Variants in JDP2 observed in about 807,000 individuals in gnomAD.
JDP2 encodes the protein progesterone receptor co-activator.
JDP2 carries 9 observed loss-of-function variants against 17.1 expected under a neutral mutation model. The ratio of observed to expected loss-of-function variants is 0.53; its 90% CI spans 0.32 to 0.92. JDP2 has a LOEUF of 0.92. Ranked by LOEUF, JDP2 falls within the 40% of genes least tolerant of loss-of-function variation. The probability of loss-of-function intolerance (pLI) is 0.04; values close to 1 mark genes in which losing one functional copy is unlikely to be tolerated. For missense variants in JDP2, 179 were observed against 220.0 expected, an observed-to-expected ratio of 0.81 and a Z score of 1.18; for synonymous variants, 107 against 95.6, an observed-to-expected ratio of 1.12 and a Z score of -0.69.
In JDP2 at chr14:75,470,219, ACAAG is replaced by A. The variant is rs1343258267; in HGVS notation, c.*748_*751del. The A allele has an allele frequency of 1.3e-5, 2 of 148,440 alleles. No homozygotes were observed. Among genetic ancestry groups the A allele is most frequent in the African/African-American group, 5.0e-5 (2 of 40,090 alleles). 9.2% of individuals were successfully genotyped at this position (148,440 alleles called of 1,614,324 possible). ...TTTTTTACAAAAAAAAAGATTTTAT[ACAAG>A]CAATATATATATGGATTTCTATAAT... On this transcript the variant is annotated 3_prime_UTR_variant, in exon 4 of 4. Coordinates refer to ENST00000651602, the MANE Select transcript of JDP2 (RefSeq NM_001135048.2).
At chr14:75,436,160 A>G (rs1170963189) in intron 1 of JDP2, among the ~76,000 whole-genome samples, 1 of 152,230 alleles carries the variant, frequency 6.6e-6, no homozygotes, top group Non-Finnish European at 1.5e-5. Flanking sequence ...ATGTAGATGG[A>G]GAATATGGCT....
At position 75,472,798 on chromosome 14, in the gene JDP2, G is replaced by A. The variant is rs773342141; in HGVS notation, c.*3323G>A. ...TCTGTAAAGATGGGCTGCCAAGTTT[G>A]TGTTCTGACCCTGTACGTGGTCCCT... On this transcript the variant is annotated 3_prime_UTR_variant, in exon 4 of 4. Transcript: ENST00000651602. 2 of 152,282 alleles carry A rather than the reference G, an allele frequency of 1.3e-5. No individual in the cohort carries two copies. The highest frequency in any genetic ancestry group is 2.9e-5 in the Non-Finnish European group (2 of 68,056). The allele number at this position is 152,282 out of a possible 1,614,324, so 9.4% of individuals were successfully genotyped here.
chr14:75,452,225 C>T lies in JDP2; in HGVS notation c.202-9201C>T, dbSNP rs373963034. On this transcript the variant is annotated intron_variant, in intron 2 of 3. Coordinates refer to ENST00000651602, the MANE Select transcript of JDP2 (RefSeq NM_001135048.2). ...TTGCGGAGATTTTAGTCCAGCCCACCGTGTGGAAGGTAGCCTGATGGAATG... is the reference window on the plus strand; with the variant it reads ...TTGCGGAGATTTTAGTCCAGCCCACTGTGTGGAAGGTAGCCTGATGGAATG... Among the ~76,000 whole-genome samples, 14 of 152,316 alleles carry T rather than the reference C, an allele frequency of 9.2e-5. No individual in the cohort carries two copies. In the East Asian group the frequency reaches 2.1e-3, roughly 23 times the overall value.
intron 2 of JDP2, among the ~76,000 whole-genome samples, chr14:75,459,441 G>C (rs1236704784): frequency 6.6e-6 from 1 of 152,224 alleles, no homozygotes; most frequent in East Asian, 1.9e-4. Context: ...ACTCCCAGGT[G>C]GGGTGGGAGT....
At chr14:75,432,101 T>C (rs1884828669) in intron 1 of JDP2, 2 of 574,456 alleles carry the variant, frequency 3.5e-6, no homozygotes, top group Non-Finnish European at 6.2e-6. Context: ...TAACCCCCCC[T>C]TCCTCTTGGC....
In JDP2 at chr14:75,469,659, C is replaced by T. The variant is rs930517182; in HGVS notation, c.*184C>T. ...CAGATCAGCCACCCAGGAGGAAGAGCGGGCTGAGGAAACCCAGAGGGACCA... is the reference window on the plus strand; with the variant it reads ...CAGATCAGCCACCCAGGAGGAAGAGTGGGCTGAGGAAACCCAGAGGGACCA... On this transcript the variant is annotated 3_prime_UTR_variant, in exon 4 of 4. Transcript: ENST00000651602. 9 of 599,282 alleles carry T rather than the reference C, an allele frequency of 1.5e-5. No homozygotes were observed. Among genetic ancestry groups the T allele is most frequent in the African/African-American group, 9.3e-5 (5 of 53,542 alleles). The allele number at this position is 599,282 out of a possible 1,614,324, so 37.1% of individuals were successfully genotyped here.
At chr14:75,452,083 T>A (rs919917911) in intron 2 of JDP2, among the ~76,000 whole-genome samples, 1 of 152,192 alleles carries the variant, frequency 6.6e-6, no homozygotes, top group Non-Finnish European at 1.5e-5. Context: ...TGTGCCCAGC[T>A]AAGAAACTTC....
At chr14:75,455,167 A>T (rs1006564465) in intron 2 of JDP2, among the ~76,000 whole-genome samples, 2 of 152,090 alleles carry the variant, frequency 1.3e-5, no homozygotes, top group Non-Finnish European at 2.9e-5. Flanking sequence ...CTGCATACAG[A>T]TCCTGATTCA....
At chr14:75,449,461 G>A (rs1255141377) in intron 2 of JDP2, among the ~76,000 whole-genome samples, 1 of 152,214 alleles carries the variant, frequency 6.6e-6, no homozygotes, top group Non-Finnish European at 1.5e-5. Context: ...TAAAGAGTCA[G>A]TTTCAGCTGT....
chr14:75,427,694 C>G (rs977615851), upstream of JDP2: 2 of 152,826 alleles, frequency 1.3e-5, no homozygotes, highest in African/African-American at 2.4e-5. The surrounding 1 kb of genome is among the most constrained non-coding windows in gnomAD (Gnocchi z 4.4). Flanking sequence ...GGGGGGTGCG[C>G]TTACATAACC....
At position 75,470,127 on chromosome 14, in the gene JDP2, G is replaced by C. The variant is rs1886758069; in HGVS notation, c.*652G>C. The stretch of plus-strand genomic sequence containing the variant: ...ATACTCACCGAATGTTTACAGACTG[G>C]CTGTCCTGGCAGGGCTTTCAACTGC... On this transcript the variant is annotated 3_prime_UTR_variant, in exon 4 of 4. Coordinates refer to ENST00000651602, the MANE Select transcript of JDP2 (RefSeq NM_001135048.2). The C allele has an allele frequency of 6.6e-6, 1 of 152,128 alleles. No individual in the cohort carries two copies. The allele number at this position is 152,128 out of a possible 1,614,324, so 9.4% of individuals were successfully genotyped here. A position where few individuals can be genotyped will look rare whatever the true frequency, so the allele number is the denominator to read the frequency against.
intron 2 of JDP2, among the ~76,000 whole-genome samples, chr14:75,444,350 C>A (rs570394826): frequency 1.3e-5 from 2 of 152,272 alleles, no homozygotes; most frequent in Admixed American, 6.5e-5. Flanking sequence ...GAATCAAAAA[C>A]CTGTTTCTTG....
intron 2 of JDP2, among the ~76,000 whole-genome samples, chr14:75,444,877 C>T (rs760238251): frequency 2.6e-5 from 4 of 152,156 alleles, no homozygotes; most frequent in South Asian, 2.1e-4. Context: ...GCAGTTTAGA[C>T]GCAGCTGGAG....
intron 1 of JDP2, among the ~76,000 whole-genome samples, chr14:75,433,564 T>TC (rs1555366546): frequency 4.0e-5 from 6 of 150,114 alleles, no homozygotes; most frequent in African/African-American, 9.8e-5. Context: ...TTTTTTTTTT[T>TC]CAAGTTCTTT....
chr14:75,457,874 C>T (rs147309052), intron 2 of JDP2, among the ~76,000 whole-genome samples: 63 of 152,328 alleles, frequency 4.1e-4, no homozygotes, highest in African/African-American at 1.2e-3. Flanking sequence ...AGAAAGCTCC[C>T]GTGAGCGCTG....
At chr14:75,459,283 G>A (rs1886246518) in intron 2 of JDP2, among the ~76,000 whole-genome samples, 2 of 152,232 alleles carry the variant, frequency 1.3e-5, no homozygotes, top group Non-Finnish European at 1.5e-5. Flanking sequence ...TGAGGTTAAG[G>A]TTGGGCGGAA....
rs1886832467 is a variant in JDP2 at position 75,472,369 on chromosome 14, A to G, written c.*2894A>G. Reference sequence around the variant, plus strand: ...ATAAAACCTGAGGCTGAGCCTCCCCATGAGAGGAAAAATGTGTTTGTGGTG... The same window carrying G: ...ATAAAACCTGAGGCTGAGCCTCCCCGTGAGAGGAAAAATGTGTTTGTGGTG... On this transcript the variant is annotated 3_prime_UTR_variant, in exon 4 of 4. Coordinates refer to ENST00000651602, the MANE Select transcript of JDP2 (RefSeq NM_001135048.2). The G allele has an allele frequency of 6.6e-6, 1 of 152,224 alleles. No individual in the cohort carries two copies. The highest frequency in any genetic ancestry group is 2.1e-4 in the South Asian group (1 of 4,830). 9.4% of individuals were successfully genotyped at this position (152,224 alleles called of 1,614,324 possible). A position where few individuals can be genotyped will look rare whatever the true frequency, so the allele number is the denominator to read the frequency against.
chr14:75,452,760 C>T (rs2139978187), intron 2 of JDP2, among the ~76,000 whole-genome samples: 1 of 152,290 alleles, frequency 6.6e-6, no homozygotes, highest in Admixed American at 6.5e-5. Flanking sequence ...ATCCAGCCCT[C>T]CCCCCTCACT....
intron 2 of JDP2, among the ~76,000 whole-genome samples, chr14:75,455,062 G>C (rs1349413542): frequency 2.0e-5 from 3 of 152,192 alleles, no homozygotes; most frequent in Non-Finnish European, 4.4e-5. Flanking sequence ...GTATTTTGCA[G>C]GTGGAATCAT....
Sources: gnomAD v4.1 joint callset for allele counts (sites outside exome capture counted in the v4.1 genomes callset) on GRCh38, gnomAD v4.1.1 for gene constraint, Gnocchi (gnomAD v3.1) non-coding constraint, MANE v1.5 for transcripts, NCBI Gene and HGNC (gene_info 2026-07-23, HGNC 2026-07-21) for gene names.